The following PRLR variants were observed in gnomAD, a reference collection of about 807,000 sequenced individuals.
PRLR encodes hPRL receptor.
In PRLR, 13 loss-of-function variants were observed where a neutral mutation model predicts 40.2. The ratio of observed to expected loss-of-function variants is 0.32; its 90% CI spans 0.21 to 0.51. PRLR has a LOEUF of 0.51. Among genes scored for constraint, PRLR ranks in the 20% least tolerant of loss-of-function variants. The probability of loss-of-function intolerance (pLI) is 0.97; values close to 1 mark genes in which losing one functional copy is unlikely to be tolerated. For synonymous variants in PRLR, 269 were observed against 278.7 expected, an observed-to-expected ratio of 0.97 and a Z score of 0.35; for missense variants, 656 against 747.3, an observed-to-expected ratio of 0.88 and a Z score of 1.42.
intron 5 of PRLR, among the ~76,000 whole-genome samples, chr5:35,075,391 TC>T (rs1770013644): frequency 2.0e-5 from 3 of 152,184 alleles, no homozygotes; most frequent in Non-Finnish European, 4.4e-5. Context: ...GGAGATTATA[TC>T]CCATTCCTGG....
intron 1 of PRLR, among the ~76,000 whole-genome samples, chr5:35,211,722 A>G (rs1332657608): frequency 7.2e-5 from 11 of 152,220 alleles, no homozygotes; most frequent in African/African-American, 2.4e-4. Context: ...TTGATAACAG[A>G]TTCATGATGT....
At chr5:35,225,146 G>A (rs1000738626) in intron 1 of PRLR, among the ~76,000 whole-genome samples, 5 of 152,192 alleles carry the variant, frequency 3.3e-5, no homozygotes, top group East Asian at 3.8e-4. Flanking sequence ...GTACTAGGAA[G>A]TGATTTAAAG....
intron 5 of PRLR, among the ~76,000 whole-genome samples, chr5:35,075,918 G>A (rs1770061370): frequency 6.6e-6 from 1 of 152,194 alleles, no homozygotes; most frequent in South Asian, 2.1e-4. Context: ...GTGATACCCA[G>A]GCAAACAGGG....
At chr5:35,112,933 T>C (rs975363166) in intron 2 of PRLR, among the ~76,000 whole-genome samples, 4 of 152,274 alleles carry the variant, frequency 2.6e-5, no homozygotes, top group Non-Finnish European at 5.9e-5. Context: ...GCGAGGCTGG[T>C]CTGGGAGTGG....
In PRLR at chr5:35,061,489, G is replaced by T. The variant is rs1330205404; in HGVS notation, c.*3600C>A. 2 of 152,184 alleles carry T rather than the reference G, an allele frequency of 1.3e-5. No homozygotes were observed. The highest frequency in any genetic ancestry group is 2.9e-5 in the Non-Finnish European group (2 of 68,046). The allele number at this position is 152,184 out of a possible 1,614,324, so 9.4% of individuals were successfully genotyped here. A position where few individuals can be genotyped will look rare whatever the true frequency, so the allele number is the denominator to read the frequency against. Reference sequence around the variant, plus strand: ...GATCTTGTACAGGCAGTAAAGGATTGACCCCTTCAGACCAAGCCAGTTAAA... The same window carrying T: ...GATCTTGTACAGGCAGTAAAGGATTTACCCCTTCAGACCAAGCCAGTTAAA... On this transcript the variant is annotated 3_prime_UTR_variant, in exon 10 of 10. Transcript: ENST00000618457.
chr5:35,084,692 G>GT (rs1377472415), intron 4 of PRLR, 53 bp from the exon 5 acceptor site: 5 of 1,542,112 alleles, frequency 3.2e-6, no homozygotes, highest in Non-Finnish European at 3.5e-6. Context: ...AGAGAGTCTA[G>GT]TTTTTTTCTT....
chr5:35,228,232 C>CAAAA (rs55934270), intron 1 of PRLR, among the ~76,000 whole-genome samples: 16 of 87,406 alleles, frequency 1.8e-4, no homozygotes, highest in African/African-American at 4.7e-4. Flanking sequence ...AACAACCATG[C>CAAAA]AAAAAAAAAA....
chr5:35,160,880 T>C (rs1406891997), intron 1 of PRLR, among the ~76,000 whole-genome samples: 2 of 152,242 alleles, frequency 1.3e-5, no homozygotes, highest in Non-Finnish European at 2.9e-5. Context: ...TAAACTGTCT[T>C]TGAAAAACCA....
At chr5:35,213,507 G>GT (rs139946535) in intron 1 of PRLR, among the ~76,000 whole-genome samples, 39 of 151,568 alleles carry the variant, frequency 2.6e-4, no homozygotes, top group African/African-American at 8.7e-4. Flanking sequence ...AGCTATCTGA[G>GT]TTTTTTTTTC....
Position 35,065,020 on chromosome 5 carries a change from T to A in PRLR, c.*69A>T. ...GTCAGTCTGACTACATTCTTGAGCA[T>A]TTCACGTACTCTGTAGTGTTACCTG... On this transcript the variant is annotated 3_prime_UTR_variant, in exon 10 of 10. Coordinates refer to ENST00000618457, the MANE Select transcript of PRLR (RefSeq NM_000949.7). 6.7e-7 allele frequency: 1 copy of A among 1,501,888 alleles called. No individual in the cohort carries two copies. Among genetic ancestry groups the A allele is most frequent in the Middle Eastern group, 1.8e-4 (1 of 5,580 alleles). The allele number at this position is 1,501,888 out of a possible 1,614,324, so 93.0% of individuals were successfully genotyped here.
At chr5:35,073,472 A>C (rs567966689) in intron 5 of PRLR, among the ~76,000 whole-genome samples, 2 of 152,332 alleles carry the variant, frequency 1.3e-5, no homozygotes, top group East Asian at 3.9e-4. Flanking sequence ...ATAAAATACT[A>C]TCTCTGCATC....
At chr5:35,117,390 A>G (rs1773087539) in intron 2 of PRLR, among the ~76,000 whole-genome samples, 1 of 152,152 alleles carries the variant, frequency 6.6e-6, no homozygotes, top group African/African-American at 2.4e-5. Context: ...ACAGCCTCAA[A>G]GTCGTACATG....
At chr5:35,130,216 GACTA>G (rs780305665) in intron 1 of PRLR, 8 of 152,148 alleles carry the variant, frequency 5.3e-5, no homozygotes, top group Non-Finnish European at 1.0e-4. Flanking sequence ...AACAAAAATT[GACTA>G]ACTTGCTTTT....
intron 1 of PRLR, among the ~76,000 whole-genome samples, chr5:35,211,778 A>C (rs1425337766): frequency 6.6e-6 from 1 of 152,244 alleles, no homozygotes; most frequent in Non-Finnish European, 1.5e-5. Context: ...AAATGTTCAG[A>C]TAAATTCATG....
chr5:35,097,680 C>T (rs910758397), intron 2 of PRLR, among the ~76,000 whole-genome samples: 1 of 152,150 alleles, frequency 6.6e-6, no homozygotes, highest in African/African-American at 2.4e-5. Flanking sequence ...TAATGGCTCA[C>T]TCAGCATGCT....
chr5:35,169,894 G>A (rs1420031092), intron 1 of PRLR, among the ~76,000 whole-genome samples: 2 of 152,284 alleles, frequency 1.3e-5, no homozygotes, highest in South Asian at 2.1e-4. Context: ...GATAACCTGA[G>A]GTGGCTCTCC....
At chr5:35,185,304 A>G (rs1775397691) in intron 1 of PRLR, among the ~76,000 whole-genome samples, 1 of 152,220 alleles carries the variant, frequency 6.6e-6, no homozygotes, top group Admixed American at 6.5e-5. Context: ...TATTTTATAC[A>G]AGGAATGAAA....
chr5:35,159,174 T>A (rs533881304), intron 1 of PRLR, among the ~76,000 whole-genome samples: 3 of 152,182 alleles, frequency 2.0e-5, no homozygotes, highest in African/African-American at 4.8e-5. Context: ...ACAGTTCTAG[T>A]GACACACTCA....
chr5:35,153,807 G>A (rs1430334097), intron 1 of PRLR, among the ~76,000 whole-genome samples: 1 of 146,558 alleles, frequency 6.8e-6, no homozygotes, highest in Non-Finnish European at 1.5e-5. Flanking sequence ...GCTACAGGAA[G>A]TCAGCTGCTT....
Sources: allele counts gnomAD v4.1 joint callset (sites outside exome capture counted in the v4.1 genomes callset), GRCh38; gene constraint gnomAD v4.1.1; transcripts MANE v1.5; gene names NCBI Gene and HGNC (gene_info 2026-07-23, HGNC 2026-07-21).